The following BCKDHA variants were observed in gnomAD, a reference collection of about 807,000 sequenced individuals.
The protein encoded by BCKDHA is 2-oxoisovalerate dehydrogenase subunit alpha, mitochondrial.
In BCKDHA, 43 loss-of-function variants were observed where a neutral mutation model predicts 52.2. The observed-to-expected ratio is 0.82, with a 90% CI of 0.64 to 1.06. The LOEUF is 1.06. BCKDHA is among the 50% of genes least tolerant of loss of function. The pLI, the probability that BCKDHA is intolerant of heterozygous loss-of-function variation, is 0.00. For missense variants in BCKDHA, 527 were observed against 621.3 expected, an observed-to-expected ratio of 0.85 and a Z score of 1.61; for synonymous variants, 234 against 247.9, an observed-to-expected ratio of 0.94 and a Z score of 0.53.
intron 3 of BCKDHA, among the ~76,000 whole-genome samples, chr19:41,413,420 C>T (rs910766990): frequency 5.3e-5 from 8 of 152,086 alleles, no homozygotes; most frequent in South Asian, 4.1e-4. Context: ...CTAGCACAGC[C>T]GACTCAGCTT....
intron 1 of BCKDHA, among the ~76,000 whole-genome samples, chr19:41,400,575 G>A (rs1372449245): frequency 6.6e-6 from 1 of 152,040 alleles, no homozygotes; most frequent in Non-Finnish European, 1.5e-5. Flanking sequence ...GTAGAGATGG[G>A]GTTTTGCCAT....
rs764247545 is a variant in BCKDHA at position 41,422,634 on chromosome 19, C to T, written c.859C>T (p.Arg287Ter). The part of the protein sequence containing the change: ...EQYRGDGIAA[R>*]GPGYGIMSIR... ...CCTTCTCTGTGTCCCCACAGCAGCA[C>T]GAGGCCCCGGGTATGGCATCATGTC... Residue 287 changes from arginine (R) to a stop codon, truncating the protein, a stop_gained, in exon 7 of 9, where the codon CGA becomes TGA. Coordinates refer to ENST00000269980, the MANE Select transcript of BCKDHA (RefSeq NM_000709.4). LOFTEE classifies it high-confidence loss of function. The T allele has an allele frequency of 5.0e-6, 8 of 1,613,942 alleles. No individual in the cohort carries two copies. The African/African-American group carries it at 5.3e-5, about 11-fold the overall frequency.
At chr19:41,410,248 G>A (rs1463426829) in intron 1 of BCKDHA, among the ~76,000 whole-genome samples, 1 of 152,162 alleles carries the variant, frequency 6.6e-6, no homozygotes, top group Non-Finnish European at 1.5e-5. Flanking sequence ...AGAGGAGGGG[G>A]CATCTGTGGC....
chr19:41,403,833 A>C (rs1242991665), intron 1 of BCKDHA, among the ~76,000 whole-genome samples: 1 of 152,234 alleles, frequency 6.6e-6, no homozygotes, highest in East Asian at 1.9e-4. Flanking sequence ...AAGAGACAGA[A>C]CCAGATTCAA....
At chr19:41,423,823 A>G (rs956505923) in intron 8 of BCKDHA, among the ~76,000 whole-genome samples, 13 of 117,542 alleles carry the variant, frequency 1.1e-4, no homozygotes, top group African/African-American at 5.1e-4. Context: ...CGAGAGCAAG[A>G]CTCCATCTCA....
chr19:41,422,795 A>AC (rs756872828), intron 7 of BCKDHA, 25 bp downstream of exon 7: 72 of 1,611,884 alleles, frequency 4.5e-5, no homozygotes, highest in Middle Eastern at 1.6e-4. Context: ...CCCCGTCAGC[A>AC]CCCCCACAGC....
intron 1 of BCKDHA, chr19:41,399,534 GGTGGGGA>G (rs1240502629): frequency 6.6e-6 from 1 of 151,216 alleles, no homozygotes; most frequent in Non-Finnish European, 1.5e-5. Flanking sequence ...CTTCATTTTT[GGTGGGGA>G]GTGGGGAGGG....
At chr19:41,399,620 C>CT (rs2123235814) in intron 1 of BCKDHA, 1 of 151,566 alleles carries the variant, frequency 6.6e-6, no homozygotes, top group Admixed American at 6.6e-5. Context: ...GTTTTTTCCC[C>CT]TTTATTTCTC....
chr19:41,401,852 G>A (rs1431192778), intron 1 of BCKDHA, among the ~76,000 whole-genome samples: 14 of 152,162 alleles, frequency 9.2e-5, no homozygotes, highest in Non-Finnish European at 2.1e-4. Context: ...AGCTCTTCAG[G>A]GGCAGCCTGT....
chr19:41,421,951 G>C (rs937331404), intron 5 of BCKDHA, among the ~76,000 whole-genome samples: 2 of 152,088 alleles, frequency 1.3e-5, no homozygotes, highest in Non-Finnish European at 2.9e-5. Flanking sequence ...TTCAGCCTGA[G>C]CAGTTGGAAG....
At chr19:41,410,588 C>T (rs939466642) in intron 1 of BCKDHA, 49 bp from the exon 2 acceptor site, 13 of 1,610,834 alleles carry the variant, frequency 8.1e-6, no homozygotes, top group Non-Finnish European at 8.5e-7. Context: ...CCAGCGGAAA[C>T]CTGGGTGCTG....
At position 41,422,165 on chromosome 19, in the gene BCKDHA, G is replaced by C; in HGVS notation, c.648G>C (p.Ala216=). Residue 216 remains alanine (A), a splice_region_variant and synonymous_variant, in exon 6 of 9, where the codon GCG becomes GCC. Coordinates refer to ENST00000269980, the MANE Select transcript of BCKDHA (RefSeq NM_000709.4). ...SSPLATQIPQ[A]VGAAYAAKRA... is the part of the protein sequence containing the mutation. ...TCACCACCCTCTCATCCCCTGCAGC[G>C]GTGGGGGCGGCGTACGCAGCCAAGC... 6.2e-7 allele frequency: 1 copy of C among 1,613,220 alleles called. No homozygotes were observed. Among genetic ancestry groups the C allele is most frequent in the South Asian group, 1.1e-5 (1 of 91,014 alleles).
chr19:41,407,810 T>C (rs1228837952), intron 1 of BCKDHA, among the ~76,000 whole-genome samples: 1 of 152,190 alleles, frequency 6.6e-6, no homozygotes, highest in East Asian at 1.9e-4. Context: ...AAGCCACCAT[T>C]ACTGACCTCG....
At chr19:41,398,048 A>G (rs1258263740) in intron 1 of BCKDHA, 113 bp downstream of exon 1, 3 of 859,292 alleles carry the variant, frequency 3.5e-6, no homozygotes, top group Non-Finnish European at 3.6e-6. Context: ...CAAAAGGGAA[A>G]AAGAGTGGGA....
chr19:41,419,460 G>A (rs2039341457), intron 5 of BCKDHA, among the ~76,000 whole-genome samples, 164 bp downstream of exon 5: 1 of 151,834 alleles, frequency 6.6e-6, no homozygotes. Context: ...TTTCTTTTTT[G>A]AGACGGAGTC....
At chr19:41,412,671 C>T (rs2039269350) in intron 3 of BCKDHA, among the ~76,000 whole-genome samples, 1 of 151,228 alleles carries the variant, frequency 6.6e-6, no homozygotes, top group African/African-American at 2.4e-5. Context: ...AGCCACTGCA[C>T]CCAGCTGTAG....
intron 1 of BCKDHA, among the ~76,000 whole-genome samples, chr19:41,405,705 G>A (rs1393673993): frequency 2.0e-5 from 3 of 152,042 alleles, no homozygotes; most frequent in Admixed American, 6.6e-5. Flanking sequence ...AATTACAGGC[G>A]TCTGCCACTG....
In BCKDHA at chr19:41,410,956, A is replaced by G. The variant is rs757507972; in HGVS notation, c.322A>G (p.Ser108Gly). The change falls in exon 3 of 9, where the codon AGC becomes GGC. Residue 108 changes from serine to glycine, a missense_variant. By Grantham distance (56) the Ser-to-Gly change is moderately conservative (BLOSUM62 0). Coordinates refer to ENST00000269980, the MANE Select transcript of BCKDHA (RefSeq NM_000709.4). ...PKEKVLKLYK[S>G]MTLLNTMDRI... ...GGAGAAGGTGCTGAAGCTCTACAAG[A>G]GCATGACACTGCTTAACACCATGGA... is the stretch of plus-strand genomic sequence containing the variant. 1.9e-6 allele frequency: 3 copies of G among 1,614,102 alleles called. No homozygotes were observed. Among genetic ancestry groups the G allele is most frequent in the Non-Finnish European group, 2.5e-6 (3 of 1,180,038 alleles).
intron 3 of BCKDHA, among the ~76,000 whole-genome samples, chr19:41,413,270 C>T (rs1173120966): frequency 1.3e-5 from 2 of 152,212 alleles, no homozygotes; most frequent in Non-Finnish European, 2.9e-5. Flanking sequence ...AAATATCTGG[C>T]TAAAACTGTG....
Sources: allele counts gnomAD v4.1 joint callset (sites outside exome capture counted in the v4.1 genomes callset), GRCh38; gene constraint gnomAD v4.1.1; transcripts MANE v1.5; gene names NCBI Gene and HGNC (gene_info 2026-07-23, HGNC 2026-07-21).